The following NAMPT variants were observed in gnomAD, a reference collection of about 807,000 sequenced individuals.
NAMPT encodes the protein nicotinamide phosphoribosyltransferase.
NAMPT carries 7 observed loss-of-function variants against 58.7 expected under a neutral mutation model. The observed-to-expected ratio is 0.12, with a 90% CI of 0.07 to 0.22. The LOEUF is 0.22. NAMPT is among the 10% of genes least tolerant of loss of function. NAMPT has a pLI of 1.00. For synonymous variants in NAMPT, 145 were observed against 198.1 expected (o/e 0.73, Z 2.25); for missense variants, 271 against 567.9 (o/e 0.48, Z 5.31).
intron 8 of NAMPT, among the ~76,000 whole-genome samples, chr7:106,258,922 C>T (rs537991352): frequency 3.3e-5 from 5 of 151,034 alleles, no homozygotes; most frequent in South Asian, 2.1e-4. Flanking sequence ...GACTCTATCA[C>T]GAAAGATTTA....
intron 4 of NAMPT, chr7:106,270,476 T>TA: frequency 4.7e-6 from 1 of 213,790 alleles, no homozygotes. Context: ...TTTGTAGCAT[T>TA]AGACTCCTGT....
At chr7:106,273,011 TAA>T (rs1229932492) in intron 3 of NAMPT, among the ~76,000 whole-genome samples, 2 of 152,218 alleles carry the variant, frequency 1.3e-5, no homozygotes, top group African/African-American at 4.8e-5. Flanking sequence ...CAACATATTC[TAA>T]AAGTATTCCA....
In NAMPT at chr7:106,277,693, GGCAGCAAAGTAAA is replaced by G. The variant is rs147733952; in HGVS notation, c.58-527_58-515del. Among the ~76,000 whole-genome samples the G allele has an allele frequency of 4.5e-3, 682 of 152,238 alleles. 4 individuals are homozygous for G. The highest frequency in any genetic ancestry group is 0.012 in the African/African-American group (490 of 41,516). ...AAACCTGGATGACAGCAACGGCGGT[GGCAGCAAAGTAAA>G]GCAGCAAAGTAAAAAAAAATCCTGT... On this transcript the variant is annotated intron_variant, in intron 1 of 10. Coordinates refer to ENST00000222553, the MANE Select transcript of NAMPT (RefSeq NM_005746.3).
intron 3 of NAMPT, among the ~76,000 whole-genome samples, chr7:106,274,426 A>C (rs962232103): frequency 1.3e-5 from 2 of 152,200 alleles, no homozygotes; most frequent in Non-Finnish European, 2.9e-5. Flanking sequence ...GGAGAGGGAT[A>C]AAATGTCAAC....
At chr7:106,269,076 A>G in intron 5 of NAMPT, 78 bp downstream of exon 5, 3 of 1,350,180 alleles carry the variant, frequency 2.2e-6, no homozygotes. Context: ...CAATCTCAAT[A>G]ACGTCCCCAA....
At chr7:106,270,564 T>TCC (rs2115791513) in intron 4 of NAMPT, among the ~76,000 whole-genome samples, 1 of 152,320 alleles carries the variant, frequency 6.6e-6, no homozygotes, top group Admixed American at 6.5e-5. Flanking sequence ...GTCTGTGCTG[T>TCC]CCTTATGATT....
chr7:106,256,252 A>C (rs773020687), intron 8 of NAMPT, among the ~76,000 whole-genome samples: 9 of 152,238 alleles, frequency 5.9e-5, no homozygotes, highest in Non-Finnish European at 1.0e-4. Context: ...CCAACACAAA[A>C]GATATTTTTA....
At position 106,276,936 on chromosome 7, in the gene NAMPT, T is replaced by G. The variant is rs1176700819; in HGVS notation, c.214+87A>C. 3.3e-5 allele frequency: 36 copies of G among 1,085,400 alleles called. No homozygotes were observed. The South Asian group carries it at 4.8e-4, about 15-fold the overall frequency. 67.2% of individuals were successfully genotyped at this position (1,085,400 alleles called of 1,614,324 possible). Reference sequence around the variant, plus strand: ...ATTATATGATTTAATGCATCCAAATTAACAGATTTGTTAAAAATTCTAAAA... The same window carrying G: ...ATTATATGATTTAATGCATCCAAATGAACAGATTTGTTAAAAATTCTAAAA... On this transcript the variant is annotated intron_variant, in intron 2 of 10. Transcript: ENST00000222553.
At chr7:106,251,674 C>T (rs191745989) in intron 10 of NAMPT, among the ~76,000 whole-genome samples, 2 of 152,124 alleles carry the variant, frequency 1.3e-5, no homozygotes, top group East Asian at 1.9e-4. Context: ...AGAAAACCCA[C>T]AAAAAGCCAA....
In NAMPT at chr7:106,261,665, A is replaced by G. The variant is rs1298683309; in HGVS notation, c.1012T>C (p.Ser338Pro). 6 of 1,600,432 alleles carry G rather than the reference A, an allele frequency of 3.7e-6. No homozygotes were observed. The highest frequency in any genetic ancestry group is 5.1e-6 in the Non-Finnish European group (6 of 1,167,692). Reference sequence around the variant, plus strand: ...GGTGGCAGCAACTTGTAACCCTTTGAGTTCTCAGTAACAGGAAACTTCTTA... The same window carrying G: ...GGTGGCAGCAACTTGTAACCCTTTGGGTTCTCAGTAACAGGAAACTTCTTA... Reference protein sequence around the residue: ...LGKKFPVTENSKGYKLLPPYL... With the variant: ...LGKKFPVTENPKGYKLLPPYL... Residue 338 changes from serine (S) to proline (P), a missense_variant, in exon 8 of 11, where the codon TCA (serine) becomes CCA (proline). Around this residue, in one of 4 missense-constraint regions of NAMPT, gnomAD observed 143 missense variants for 331.1 expected, o/e 0.43. Coordinates refer to ENST00000222553, the MANE Select transcript of NAMPT (RefSeq NM_005746.3).
At chr7:106,284,742 CA>C in intron 1 of NAMPT, 85 bp downstream of exon 1, 88 of 992,486 alleles carry the variant, frequency 8.9e-5, no homozygotes, top group Non-Finnish European at 1.1e-4. Context: ...GCCCCAACCC[CA>C]GCCCCAGCCG....
At chr7:106,282,653 G>C (rs557492993) in intron 1 of NAMPT, among the ~76,000 whole-genome samples, 5 of 152,178 alleles carry the variant, frequency 3.3e-5, no homozygotes, top group Non-Finnish European at 5.9e-5. Flanking sequence ...TCTCTTGACA[G>C]GATACAAGAC....
At chr7:106,262,060 C>G (rs1792313270) in intron 7 of NAMPT, among the ~76,000 whole-genome samples, 1 of 151,954 alleles carries the variant, frequency 6.6e-6, no homozygotes, top group Non-Finnish European at 1.5e-5. Context: ...ATTTAACAAA[C>G]TCATGATTAT....
At chr7:106,263,679 C>T in intron 6 of NAMPT, 62 bp from the exon 7 acceptor site, 1 of 1,235,510 alleles carries the variant, frequency 8.1e-7, no homozygotes, top group Non-Finnish European at 1.2e-6. Context: ...CCCTGAATCA[C>T]CTTTAATCAT....
chr7:106,276,821 A>AACAAG, intron 2 of NAMPT: 1 of 469,226 alleles, frequency 2.1e-6, no homozygotes, highest in Non-Finnish European at 3.9e-6. Flanking sequence ...CAGCCTGGCC[A>AACAAG]ACAAGAGCGA....
At chr7:106,251,682 C>T (rs1792106642) in intron 10 of NAMPT, among the ~76,000 whole-genome samples, 1 of 152,026 alleles carries the variant, frequency 6.6e-6, no homozygotes. Context: ...CACAAAAAGC[C>T]AAAAGCCAAT....
chr7:106,283,393 T>C (rs1466580228), intron 1 of NAMPT, among the ~76,000 whole-genome samples: 4 of 152,172 alleles, frequency 2.6e-5, no homozygotes, highest in African/African-American at 9.7e-5. Flanking sequence ...CATTCTTCTG[T>C]TTTTAAAATT....
intron 3 of NAMPT, among the ~76,000 whole-genome samples, chr7:106,274,057 A>G (rs1449630380): frequency 3.3e-5 from 5 of 151,056 alleles, no homozygotes; most frequent in Admixed American, 6.6e-5. Flanking sequence ...TTATAATTCT[A>G]TTACCATGTC....
chr7:106,257,023 A>G (rs948111302), intron 8 of NAMPT, among the ~76,000 whole-genome samples: 15 of 152,134 alleles, frequency 9.9e-5, no homozygotes, highest in Non-Finnish European at 2.1e-4. Context: ...TAAAAATCCA[A>G]AAAGTAGCCG....
Sources: allele counts gnomAD v4.1 joint callset (sites outside exome capture counted in the v4.1 genomes callset), GRCh38; gene constraint gnomAD v4.1.1; regional missense constraint gnomAD v4.1.1; transcripts MANE v1.5; gene names NCBI Gene and HGNC (gene_info 2026-07-23, HGNC 2026-07-21).